PLG: variants seen among roughly 807,000 people sequenced by gnomAD.
PLG encodes plasmin.
In PLG, 41 loss-of-function variants were observed where a neutral mutation model predicts 104.4. That is an observed-to-expected ratio of 0.39 (90% CI 0.31 to 0.51). The LOEUF (loss-of-function observed/expected upper bound fraction) is 0.51. Ranked by LOEUF, PLG falls within the 20% of genes least tolerant of loss-of-function variation. The pLI, the probability that PLG is intolerant of heterozygous loss-of-function variation, is 0.76. For missense variants in PLG, 891 were observed against 1,003.6 expected (o/e 0.89, Z 1.52); for synonymous variants, 337 against 357.1 (o/e 0.94, Z 0.63).
At chr6:160,750,641 G>A (rs1457574190) in intron 17 of PLG, among the ~76,000 whole-genome samples, 1 of 152,182 alleles carries the variant, frequency 6.6e-6, no homozygotes, top group East Asian at 1.9e-4. Flanking sequence ...CCAGGCGCTG[G>A]GATGAGCCTC....
intron 17 of PLG, among the ~76,000 whole-genome samples, chr6:160,743,011 CTTT>C (rs3028193): frequency 0.093 from 13,097 of 140,528 alleles, 753 homozygotes; most frequent in East Asian, 0.28. Flanking sequence ...GTCTACGTGT[CTTT>C]TTTTTTTTTT....
Position 160,741,039 on chromosome 6 carries a change from C to T in PLG, c.2019-272C>T, listed in dbSNP as rs934834161. Among the ~76,000 whole-genome samples the T allele has an allele frequency of 6.6e-6, 1 of 152,188 alleles. No homozygotes were observed. Among genetic ancestry groups the T allele is most frequent in the African/African-American group, 2.4e-5 (1 of 41,444 alleles). ...GCACAGAATATACATGAGAAGTGCG[C>T]CTTTGTCATCCCTACTTTCAAAGGT... On this transcript the variant is annotated intron_variant, in intron 16 of 18. Transcript: ENST00000308192. The surrounding 1 kb of genome is among the most constrained non-coding windows in gnomAD (Gnocchi z 4.7).
At chr6:160,716,359 G>GGGC (rs1777729931) in intron 6 of PLG, among the ~76,000 whole-genome samples, 2 of 152,208 alleles carry the variant, frequency 1.3e-5, no homozygotes, top group African/African-American at 4.8e-5. Context: ...GTTACCTAAA[G>GGGC]GGCTGAAGCG....
chr6:160,716,584 AAAGAGTCTTATCCAT>A (rs1396433901), intron 6 of PLG, 46 bp from the exon 7 acceptor site: 2 of 1,017,498 alleles, frequency 2.0e-6, no homozygotes, highest in Non-Finnish European at 3.1e-6. Context: ...TGCTCTTGAA[AAAGAGTCTTATCCAT>A]GAATGTAAAT....
Position 160,736,757 on chromosome 6 carries a change from A to C in PLG, c.1682-130A>C. 1 of 1,186,280 alleles carries C rather than the reference A, an allele frequency of 8.4e-7. No individual in the cohort carries two copies. The highest frequency in any genetic ancestry group is 1.3e-5 in the South Asian group (1 of 77,820). The allele number at this position is 1,186,280 out of a possible 1,614,324, so 73.5% of individuals were successfully genotyped here. A position where few individuals can be genotyped will look rare whatever the true frequency, so the allele number is the denominator to read the frequency against. On this transcript the variant is annotated intron_variant, in intron 13 of 18. Transcript: ENST00000308192. The surrounding 1 kb of genome is among the most constrained non-coding windows in gnomAD (Gnocchi z 5.2). ...TGAAACTTAGAGAAAATGTTCCAAA[A>C]GATGATGATTTTACTATTTAGTTCG...
chr6:160,726,588 T>TA lies in PLG; in HGVS notation c.1256+4031dup, dbSNP rs34063692. On this transcript the variant is annotated intron_variant, in intron 10 of 18. Coordinates refer to ENST00000308192, the MANE Select transcript of PLG (RefSeq NM_000301.5). This position sits in a 1 kb window ranked among gnomAD's most constrained non-coding sequence, Gnocchi z 4.4. ...TATGAGGTTAAAACACCTTTAAATT[T>TA]AAAAAAAAAAGATTTTATTTGCTAT... is the stretch of plus-strand genomic sequence containing the variant. 0.35 allele frequency among the ~76,000 whole-genome samples: 51,759 copies of TA among 149,886 alleles called. 8,918 individuals carry two copies. Among genetic ancestry groups the TA allele is most frequent in the East Asian group, 0.49 (2,499 of 5,106 alleles).
intron 9 of PLG, among the ~76,000 whole-genome samples, chr6:160,721,960 C>T (rs939904792): frequency 4.6e-5 from 7 of 152,192 alleles, no homozygotes; most frequent in African/African-American, 1.4e-4. Context: ...GCAGGACCAT[C>T]TCCTGCCCTA....
At position 160,719,238 on chromosome 6, in the gene PLG, C is replaced by T. The variant is rs1777793469; in HGVS notation, c.1096+400C>T. Among the ~76,000 whole-genome samples, 1 of 152,094 alleles carries T rather than the reference C, an allele frequency of 6.6e-6. No homozygotes were observed. The highest frequency in any genetic ancestry group is 2.4e-5 in the African/African-American group (1 of 41,412). ...TCTATTTCTCTTTTAGATCGTAACT[C>T]TTTTGTATATTTTGAAGCTCTTTTG... is the stretch of plus-strand genomic sequence containing the variant. On this transcript the variant is annotated intron_variant, in intron 9 of 18. Coordinates refer to ENST00000308192, the MANE Select transcript of PLG (RefSeq NM_000301.5). This position sits in a 1 kb window ranked among gnomAD's most constrained non-coding sequence, Gnocchi z 4.1.
chr6:160,746,988 T>C (rs1170761505), intron 17 of PLG, among the ~76,000 whole-genome samples: 2 of 152,266 alleles, frequency 1.3e-5, no homozygotes, highest in Non-Finnish European at 2.9e-5. Flanking sequence ...TTCCTGAGTA[T>C]GCTTCCCTGG....
intron 17 of PLG, among the ~76,000 whole-genome samples, chr6:160,742,356 G>A (rs1778209506): frequency 6.6e-6 from 1 of 152,170 alleles, no homozygotes; most frequent in South Asian, 2.1e-4. Flanking sequence ...TCTGGCTGGT[G>A]TGAGATGATT....
chr6:160,750,431 T>C (rs1383350343), intron 17 of PLG, among the ~76,000 whole-genome samples: 1 of 152,198 alleles, frequency 6.6e-6, no homozygotes, highest in East Asian at 1.9e-4. Context: ...TTTTCCCCCT[T>C]ATCAGCGTGT....
At chr6:160,749,088 C>T (rs1285549952) in intron 17 of PLG, among the ~76,000 whole-genome samples, 1 of 152,196 alleles carries the variant, frequency 6.6e-6, no homozygotes, top group Non-Finnish European at 1.5e-5. Flanking sequence ...TCTACAATTC[C>T]TCAACTGATG....
chr6:160,739,001 T>C lies in PLG; in HGVS notation c.1878-67T>C, dbSNP rs1416121160. 9.4e-6 allele frequency: 15 copies of C among 1,599,358 alleles called. No individual in the cohort carries two copies. In the Admixed American group the frequency reaches 2.5e-4, roughly 27 times the overall value. On this transcript the variant is annotated intron_variant, in intron 15 of 18. Transcript: ENST00000308192. The surrounding 1 kb of genome is among the most constrained non-coding windows in gnomAD (Gnocchi z 4.4). The stretch of plus-strand genomic sequence containing the variant: ...GGGTGTCAGGGAGACAGCACCAATT[T>C]CATGGCACAGAGGTTACCTGAAGGG...
chr6:160,708,367 C>A (rs1200268438), intron 3 of PLG: 1 of 152,756 alleles, frequency 6.5e-6, no homozygotes, highest in Admixed American at 6.5e-5. Flanking sequence ...AGTTCCTTTT[C>A]TATAGTTTAT....
At position 160,754,047 on chromosome 6, in the gene PLG, T is replaced by C. The variant is rs4252182; in HGVS notation, c.*986T>C. Among the ~76,000 whole-genome samples the C allele has an allele frequency of 5.8e-3, 880 of 152,338 alleles. 6 individuals are homozygous for C. Among genetic ancestry groups the C allele is most frequent in the African/African-American group, 0.02 (844 of 41,566 alleles). The stretch of plus-strand genomic sequence containing the variant: ...AATAAAGGGTGAATGTAGTCTCAAA[T>C]CCTCAAAGAGCTGTGTTTATTTCAT... On this transcript the variant is annotated 3_prime_UTR_variant, in exon 19 of 19. Coordinates refer to ENST00000308192, the MANE Select transcript of PLG (RefSeq NM_000301.5). This position sits in a 1 kb window ranked among gnomAD's most constrained non-coding sequence, Gnocchi z 4.9.
In PLG at chr6:160,722,112, G is replaced by A. The variant is rs574877030; in HGVS notation, c.1097-296G>A. 2.5e-4 allele frequency among the ~76,000 whole-genome samples: 38 copies of A among 152,240 alleles called. No homozygotes were observed. In the South Asian group the frequency reaches 6.6e-3, roughly 27 times the overall value. On this transcript the variant is annotated intron_variant, in intron 9 of 18. Coordinates refer to ENST00000308192, the MANE Select transcript of PLG (RefSeq NM_000301.5). The stretch of plus-strand genomic sequence containing the variant: ...ATGCATCCTCCTCTCATCTGCCCTC[G>A]TGTTCTCATGAACACTCAGTAGGGA...
chr6:160,715,999 T>C (rs1478813888), intron 6 of PLG, among the ~76,000 whole-genome samples: 1 of 152,208 alleles, frequency 6.6e-6, no homozygotes, highest in African/African-American at 2.4e-5. Context: ...TCCAGCCCCA[T>C]ACTGCATGGT....
At chr6:160,710,618 G>C (rs1777622921) in intron 3 of PLG, among the ~76,000 whole-genome samples, 1 of 152,048 alleles carries the variant, frequency 6.6e-6, no homozygotes, top group African/African-American at 2.4e-5. Context: ...AATAGAAGTG[G>C]GTTGGATCTC....
At chr6:160,717,824 T>C (rs980887054) in intron 7 of PLG, among the ~76,000 whole-genome samples, 6 of 152,224 alleles carry the variant, frequency 3.9e-5, no homozygotes, top group African/African-American at 1.4e-4. Flanking sequence ...TGCTACTAAA[T>C]TGATTTCATC....
Sources: allele counts gnomAD v4.1 joint callset (sites outside exome capture counted in the v4.1 genomes callset), GRCh38; gene constraint gnomAD v4.1.1; non-coding constraint Gnocchi (gnomAD v3.1); transcripts MANE v1.5; gene names NCBI Gene and HGNC (gene_info 2026-07-23, HGNC 2026-07-21).